Variants in PCDHA2 observed in about 807,000 individuals in gnomAD.
PCDHA2 encodes the protein protocadherin alpha 2, also known as protocadherin alpha-2.
Under a neutral mutation model 66.0 loss-of-function variants are expected in PCDHA2, and 58 were observed. The ratio of observed to expected loss-of-function variants is 0.88; its 90% CI spans 0.71 to 1.09. PCDHA2 has a LOEUF of 1.09. Ranked by LOEUF, PCDHA2 falls within the 50% of genes least tolerant of loss-of-function variation. The probability of loss-of-function intolerance (pLI) is 0.00; values close to 1 mark genes in which losing one functional copy is unlikely to be tolerated. For synonymous variants in PCDHA2, 634 were observed against 554.0 expected (o/e 1.14, Z -2.03); for missense variants, 1,267 against 1,242.3 (o/e 1.02, Z -0.30).
intron 1 of PCDHA2, chr5:140,829,830 T>G (rs1562311801): frequency 6.2e-7 from 1 of 1,613,772 alleles, no homozygotes; most frequent in East Asian, 2.2e-5. Context: ...GTGAGCGAGC[T>G]GGTGCCGCGG....
intron 1 of PCDHA2, among the ~76,000 whole-genome samples, chr5:140,961,765 T>C (rs2095634679): frequency 6.6e-6 from 1 of 152,244 alleles, no homozygotes; most frequent in African/African-American, 2.4e-5. Flanking sequence ...AAGGAATTTA[T>C]ATCAAGCTTA....
intron 1 of PCDHA2, chr5:140,856,054 T>G: frequency 6.3e-7 from 1 of 1,586,304 alleles, no homozygotes; most frequent in Non-Finnish European, 8.6e-7. Flanking sequence ...ATAAGATGGT[T>G]TCCAGATGTA....
chr5:140,869,293 T>C, intron 1 of PCDHA2: 2 of 1,613,604 alleles, frequency 1.2e-6, no homozygotes, highest in African/African-American at 1.3e-5. Flanking sequence ...GCAGCGCCTG[T>C]TCCGGGTGGC....
chr5:140,810,012 T>C (rs186188857), intron 1 of PCDHA2: 1 of 155,996 alleles, frequency 6.4e-6, no homozygotes, highest in East Asian at 1.9e-4. Context: ...TTATTTTTCC[T>C]CCAGTGTAAC....
chr5:140,828,597 C>A lies in PCDHA2; in HGVS notation c.2388+31245C>A, dbSNP rs1365615001. 16 of 1,614,084 alleles carry A rather than the reference C, an allele frequency of 9.9e-6. No individual in the cohort carries two copies. Among genetic ancestry groups the A allele is most frequent in the Non-Finnish European group, 1.4e-5 (16 of 1,180,058 alleles). On this transcript the variant is annotated intron_variant, in intron 1 of 3. Coordinates refer to ENST00000526136, the MANE Select transcript of PCDHA2 (RefSeq NM_018905.3). ...GATGTTGGCTCAAATTCCATCTTAACCTATAAACTCAGTTCTAGCGAATAC... is the reference window on the plus strand; with the variant it reads ...GATGTTGGCTCAAATTCCATCTTAAACTATAAACTCAGTTCTAGCGAATAC...
chr5:140,998,942 T>C (rs1435302179), intron 3 of PCDHA2, among the ~76,000 whole-genome samples: 4 of 152,222 alleles, frequency 2.6e-5, no homozygotes, highest in Non-Finnish European at 5.9e-5. Flanking sequence ...ATGAAGAAAC[T>C]GTAAGTCAAT....
intron 1 of PCDHA2, among the ~76,000 whole-genome samples, chr5:140,976,160 T>A (rs1554237376): frequency 6.6e-6 from 1 of 152,196 alleles, no homozygotes; most frequent in Admixed American, 6.5e-5. Context: ...TTTTACTACT[T>A]TTAGTTTTGT....
chr5:140,983,282 G>A (rs1030439196), intron 3 of PCDHA2, among the ~76,000 whole-genome samples: 1 of 152,152 alleles, frequency 6.6e-6, no homozygotes, highest in Non-Finnish European at 1.5e-5. Context: ...GTGAGTATAG[G>A]AAAATTGCTT....
chr5:140,943,558 A>T (rs1328715238), intron 1 of PCDHA2, among the ~76,000 whole-genome samples: 1 of 152,194 alleles, frequency 6.6e-6, no homozygotes, highest in Non-Finnish European at 1.5e-5. Flanking sequence ...GTAGACAATA[A>T]TCATTTTAAT....
chr5:140,969,007 A>T, intron 1 of PCDHA2: 2 of 1,614,148 alleles, frequency 1.2e-6, no homozygotes, highest in Non-Finnish European at 1.7e-6. Context: ...GCTTCTGTGG[A>T]GTAAGGGAAA....
At chr5:140,967,519 C>T (rs147791062) in intron 1 of PCDHA2, 1 of 1,612,804 alleles carries the variant, frequency 6.2e-7, no homozygotes, top group Non-Finnish European at 8.5e-7. Flanking sequence ...TGGACACTAA[C>T]GACAACTCTC....
At chr5:140,858,846 T>C (rs2045621304) in intron 1 of PCDHA2, 1 of 295,454 alleles carries the variant, frequency 3.4e-6, no homozygotes, top group Non-Finnish European at 6.4e-6. Flanking sequence ...ATTCCACTGA[T>C]CTATATCTCT....
chr5:140,808,736 G>T, intron 1 of PCDHA2: 1 of 1,612,192 alleles, frequency 6.2e-7, no homozygotes, highest in Non-Finnish European at 8.5e-7. Flanking sequence ...GAGCGGCAAG[G>T]TGTACGCGCT....
At position 140,848,822 on chromosome 5, in the gene PCDHA2, CG is replaced by C. The variant is rs2150421614; in HGVS notation, c.2388+51471del. ...AGTGCAGCATCCACCTGGAGGTGAT[CG>C]TAGACAGGCCGCTGCAGGTTTTCCA... is the stretch of plus-strand genomic sequence containing the variant. On this transcript the variant is annotated intron_variant, in intron 1 of 3. Coordinates refer to ENST00000526136, the MANE Select transcript of PCDHA2 (RefSeq NM_018905.3). 4.4e-6 allele frequency: 7 copies of C among 1,590,462 alleles called. 1 individual carries two copies. Among genetic ancestry groups the C allele is most frequent in the Admixed American group, 3.4e-5 (2 of 58,802 alleles).
chr5:140,959,493 A>C (rs533403086), intron 1 of PCDHA2, among the ~76,000 whole-genome samples: 3 of 152,280 alleles, frequency 2.0e-5, no homozygotes, highest in South Asian at 2.1e-4. Context: ...TTATATATGG[A>C]TCAAACTAAA....
intron 3 of PCDHA2, among the ~76,000 whole-genome samples, chr5:141,001,985 G>A (rs536683790): frequency 6.6e-5 from 10 of 152,194 alleles, no homozygotes; most frequent in Non-Finnish European, 1.5e-4. Flanking sequence ...GGAAAGCCTG[G>A]AAGTTCACTT....
At chr5:140,976,833 C>T (rs2096733011) in intron 1 of PCDHA2, among the ~76,000 whole-genome samples, 1 of 152,140 alleles carries the variant, frequency 6.6e-6, no homozygotes, top group Non-Finnish European at 1.5e-5. Flanking sequence ...ATGAGCAAAA[C>T]AGATATAATC....
intron 2 of PCDHA2, among the ~76,000 whole-genome samples, chr5:140,981,956 T>C (rs2096959461): frequency 6.6e-6 from 1 of 152,184 alleles, no homozygotes; most frequent in Non-Finnish European, 1.5e-5. Flanking sequence ...GGGTCATCTA[T>C]GCATAAAAGA....
intron 1 of PCDHA2, chr5:140,869,536 T>G: frequency 6.2e-7 from 1 of 1,614,170 alleles, no homozygotes; most frequent in Non-Finnish European, 8.5e-7. Flanking sequence ...GATTGCGGAA[T>G]CTAAGCAATC....
Sources: allele counts gnomAD v4.1 joint callset (sites outside exome capture counted in the v4.1 genomes callset), GRCh38; gene constraint gnomAD v4.1.1; transcripts MANE v1.5; gene names NCBI Gene and HGNC (gene_info 2026-07-23, HGNC 2026-07-21).